SLCO3A1: variants seen among roughly 807,000 people sequenced by gnomAD.
SLCO3A1 encodes solute carrier organic anion transporter family member 3A1.
Under a neutral mutation model 63.1 loss-of-function variants are expected in SLCO3A1, and 27 were observed. That is an observed-to-expected ratio of 0.43 (90% confidence interval 0.32 to 0.59). The LOEUF (loss-of-function observed/expected upper bound fraction) is 0.59. Among genes scored for constraint, SLCO3A1 ranks in the 20% least tolerant of loss-of-function variants. The pLI is 0.09. For synonymous variants in SLCO3A1, 473 were observed against 409.9 expected (o/e 1.15, Z -1.86); for missense variants, 773 against 945.8 (o/e 0.82, Z 2.40).
In SLCO3A1 at chr15:91,916,468, GC is replaced by G; in HGVS notation, c.646+14del. ...TCCTCGCTCTATATAGGTAGGAGCT[GC>G]CCCAGCCGTATTAGCAAGAGACCAG... On this transcript the variant is annotated intron_variant, in intron 2 of 9. Transcript: ENST00000318445. The surrounding 1 kb of genome is among the most constrained non-coding windows in gnomAD (Gnocchi z 6.2). 1 of 1,572,378 alleles carries G rather than the reference GC, an allele frequency of 6.4e-7. No individual in the cohort carries two copies. Among genetic ancestry groups the G allele is most frequent in the Middle Eastern group, 1.7e-4 (1 of 5,976 alleles).
chr15:91,857,655 C>G (rs1399864857), intron 1 of SLCO3A1, among the ~76,000 whole-genome samples: 1 of 152,042 alleles, frequency 6.6e-6, no homozygotes, highest in Admixed American at 6.6e-5. Flanking sequence ...TTTGTGTGTG[C>G]CTATTGGTGT....
At chr15:92,117,746 CTCAT>C (rs2047813302) in intron 4 of SLCO3A1, among the ~76,000 whole-genome samples, 1 of 152,218 alleles carries the variant, frequency 6.6e-6, no homozygotes, top group Admixed American at 6.5e-5. Context: ...TCAGATTTCA[CTCAT>C]TCATAGTGAT....
In SLCO3A1 at chr15:91,853,861, G is replaced by C; in HGVS notation, c.-48G>C. 1 of 1,271,198 alleles carries C rather than the reference G, an allele frequency of 7.9e-7. No individual in the cohort carries two copies. Among genetic ancestry groups the C allele is most frequent in the Non-Finnish European group, 9.9e-7 (1 of 1,009,088 alleles). 78.7% of individuals were successfully genotyped at this position (1,271,198 alleles called of 1,614,324 possible). A position where few individuals can be genotyped will look rare whatever the true frequency, so the allele number is the denominator to read the frequency against. ...CGGCAGCGGCCCCGACACCCGGGGC[G>C]AGCGGGAAAGCGGCAGCGGCGGCGG... On this transcript the variant is annotated 5_prime_UTR_variant, in exon 1 of 10. Transcript: ENST00000318445.
Position 92,127,720 on chromosome 15 carries a change from G to A in SLCO3A1, c.1374-631G>A, listed in dbSNP as rs189025324. On this transcript the variant is annotated intron_variant, in intron 6 of 9. Transcript: ENST00000318445. ...TCTAGATAACTTTGCCTTTAATGAT[G>A]CAAAGGAAAATTAAAACACCTTAGT... Among the ~76,000 whole-genome samples the A allele has an allele frequency of 8.5e-5, 13 of 152,112 alleles. No homozygotes were observed. In the South Asian group the frequency reaches 2.3e-3, roughly 27 times the overall value.
intron 8 of SLCO3A1, among the ~76,000 whole-genome samples, chr15:92,148,151 T>G (rs1233285790): frequency 6.6e-6 from 1 of 152,212 alleles, no homozygotes; most frequent in Non-Finnish European, 1.5e-5. Flanking sequence ...GAAGTTGCAG[T>G]GAGCTGAGGT....
chr15:92,164,816 C>A lies in SLCO3A1; in HGVS notation c.*1681C>A, dbSNP rs531244481. On this transcript the variant is annotated 3_prime_UTR_variant, in exon 10 of 10. Coordinates refer to ENST00000318445, the MANE Select transcript of SLCO3A1 (RefSeq NM_013272.4). The stretch of plus-strand genomic sequence containing the variant: ...AACCTCTCGCAACCAGCACACTAGG[C>A]CTTCTACGGCCATTTCTGTAAGGGG... 2 of 985,386 alleles carry A rather than the reference C, an allele frequency of 2.0e-6. No homozygotes were observed. The highest frequency in any genetic ancestry group is 1.7e-5 in the African/African-American group (1 of 57,342). 61.0% of individuals were successfully genotyped at this position (985,386 alleles called of 1,614,324 possible).
chr15:92,056,256 A>C (rs1181198662), intron 2 of SLCO3A1, among the ~76,000 whole-genome samples: 1 of 152,206 alleles, frequency 6.6e-6, no homozygotes, highest in Non-Finnish European at 1.5e-5. Flanking sequence ...CCTTGAAGGC[A>C]AAATAAAGCA....
At chr15:92,029,561 G>A (rs2046619999) in intron 2 of SLCO3A1, among the ~76,000 whole-genome samples, 1 of 152,096 alleles carries the variant, frequency 6.6e-6, no homozygotes, top group African/African-American at 2.4e-5. Context: ...CATATTCTCT[G>A]TAGAAAATTT....
chr15:92,075,786 A>G (rs971646627), intron 2 of SLCO3A1, among the ~76,000 whole-genome samples: 1 of 152,186 alleles, frequency 6.6e-6, no homozygotes, highest in African/African-American at 2.4e-5. Context: ...AGGACTTCAC[A>G]CATCTGCTCC....
rs1897004348 is a variant in SLCO3A1, at chr15:91,859,745, C to T, written c.180+5657C>T. 1.3e-5 allele frequency among the ~76,000 whole-genome samples: 2 copies of T among 152,176 alleles called. No homozygotes were observed. Among genetic ancestry groups the T allele is most frequent in the South Asian group, 4.1e-4 (2 of 4,830 alleles). ...GTCAGTACATGTAAAGCACCTTGAACAATATCTGGCACATAGTGAGTGCCC... is the reference window on the plus strand; with the variant it reads ...GTCAGTACATGTAAAGCACCTTGAATAATATCTGGCACATAGTGAGTGCCC... On this transcript the variant is annotated intron_variant, in intron 1 of 9. Coordinates refer to ENST00000318445, the MANE Select transcript of SLCO3A1 (RefSeq NM_013272.4). This position sits in a 1 kb window ranked among gnomAD's most constrained non-coding sequence, Gnocchi z 5.1.
At chr15:92,123,688 G>A (rs151079780) in intron 5 of SLCO3A1, among the ~76,000 whole-genome samples, 2 of 152,104 alleles carry the variant, frequency 1.3e-5, no homozygotes, top group African/African-American at 4.8e-5. Flanking sequence ...CAGGATCTCA[G>A]GTTTAGCCCT....
intron 2 of SLCO3A1, among the ~76,000 whole-genome samples, chr15:91,997,601 T>G (rs554679220): frequency 2.6e-5 from 4 of 152,254 alleles, no homozygotes; most frequent in African/African-American, 9.6e-5. Context: ...TTACCTGAAT[T>G]TAAACTATGC....
intron 2 of SLCO3A1, among the ~76,000 whole-genome samples, chr15:92,022,636 C>G (rs930918907): frequency 5.3e-5 from 8 of 152,200 alleles, no homozygotes; most frequent in Non-Finnish European, 7.3e-5. Flanking sequence ...CTCTCTGAAA[C>G]AGGTCTCTTG....
rs2048463683 is a variant in SLCO3A1, at chr15:92,163,303, G to A, written c.*168G>A. Reference sequence around the variant, plus strand: ...CTTTGTCCTTTTTCTCAGCATCAGAGCCAGACAGGATTCAGAATAAGGAGA... The same window carrying A: ...CTTTGTCCTTTTTCTCAGCATCAGAACCAGACAGGATTCAGAATAAGGAGA... On this transcript the variant is annotated 3_prime_UTR_variant, in exon 10 of 10. Coordinates refer to ENST00000318445, the MANE Select transcript of SLCO3A1 (RefSeq NM_013272.4). The A allele has an allele frequency of 6.2e-6, 8 of 1,285,842 alleles. No homozygotes were observed. The highest frequency in any genetic ancestry group is 1.5e-5 in the African/African-American group (1 of 65,002). The allele number at this position is 1,285,842 out of a possible 1,614,324, so 79.7% of individuals were successfully genotyped here.
At chr15:92,053,225 T>A (rs1183845051) in intron 2 of SLCO3A1, among the ~76,000 whole-genome samples, 2 of 152,292 alleles carry the variant, frequency 1.3e-5, no homozygotes, top group East Asian at 3.9e-4. Context: ...GAGATAGACA[T>A]CAATCACAGC....
chr15:91,991,329 C>T (rs942434976), intron 2 of SLCO3A1, among the ~76,000 whole-genome samples: 1 of 151,968 alleles, frequency 6.6e-6, no homozygotes, highest in Non-Finnish European at 1.5e-5. Context: ...CTACTGCACT[C>T]TAGTGTGGGC....
At chr15:91,931,805 A>G (rs541436355) in intron 2 of SLCO3A1, among the ~76,000 whole-genome samples, 8 of 151,868 alleles carry the variant, frequency 5.3e-5, no homozygotes, top group African/African-American at 1.7e-4. Flanking sequence ...ACACACGCAC[A>G]CACACACACA....
At chr15:91,958,507 A>G (rs540381958) in intron 2 of SLCO3A1, among the ~76,000 whole-genome samples, 1 of 152,128 alleles carries the variant, frequency 6.6e-6, no homozygotes, top group Non-Finnish European at 1.5e-5. Context: ...CTGATCCTTC[A>G]TTTCTTCACT....
At chr15:92,014,003 A>C (rs896177995) in intron 2 of SLCO3A1, among the ~76,000 whole-genome samples, 1 of 151,894 alleles carries the variant, frequency 6.6e-6, no homozygotes. Flanking sequence ...TCGCGTGGTC[A>C]CTCCCACCCC....
Sources: allele counts gnomAD v4.1 joint callset (sites outside exome capture counted in the v4.1 genomes callset), GRCh38; gene constraint gnomAD v4.1.1; non-coding constraint Gnocchi (gnomAD v3.1); transcripts MANE v1.5; gene names NCBI Gene and HGNC (gene_info 2026-07-23, HGNC 2026-07-21).